KCTD1: variants seen among roughly 807,000 people sequenced by gnomAD.
KCTD1 encodes BTB/POZ domain-containing protein KCTD1.
KCTD1 carries 24 observed loss-of-function variants against 66.0 expected under a neutral mutation model. The observed-to-expected ratio is 0.36, with a 90% CI of 0.26 to 0.51. The LOEUF (loss-of-function observed/expected upper bound fraction) is 0.51, where lower values mean the gene tolerates loss of function less well. Among genes scored for constraint, KCTD1 ranks in the 20% least tolerant of loss-of-function variants. The probability of loss-of-function intolerance (pLI) is 0.95; values close to 1 mark genes in which losing one functional copy is unlikely to be tolerated. For missense variants in KCTD1, 943 were observed against 1,205.2 expected (o/e 0.78, Z 3.22); for synonymous variants, 511 against 517.2 (o/e 0.99, Z 0.16).
Position 26,540,203 on chromosome 18 carries a change from C to T in KCTD1, c.1809+6525G>A, listed in dbSNP as rs139473665. 2.1e-3 allele frequency among the ~76,000 whole-genome samples: 321 copies of T among 152,310 alleles called. 1 individual carries two copies. The highest frequency in any genetic ancestry group is 7.3e-3 in the African/African-American group (304 of 41,572). On this transcript the variant is annotated intron_variant, in intron 1 of 4. Transcript: ENST00000580059. ...TCACAAGCTCCCAAACTAGTCCTGA[C>T]ATTTTAATTTGGCAACTGAATTACT...
intron 1 of KCTD1, among the ~76,000 whole-genome samples, chr18:26,524,317 C>G (rs770915294): frequency 3.3e-5 from 5 of 152,186 alleles, no homozygotes; most frequent in Non-Finnish European, 7.3e-5. Flanking sequence ...CACTATCCAG[C>G]TTTAGTGAGA....
In KCTD1 at chr18:26,546,959, C is replaced by T; in HGVS notation, c.1578G>A (p.Val526=). The T allele has an allele frequency of 2.0e-6, 3 of 1,474,030 alleles. No homozygotes were observed. The highest frequency in any genetic ancestry group is 2.5e-5 in the Admixed American group (1 of 40,508). 91.3% of individuals were successfully genotyped at this position (1,474,030 alleles called of 1,614,324 possible). A position where few individuals can be genotyped will look rare whatever the true frequency, so the allele number is the denominator to read the frequency against. The part of the protein sequence containing the change: ...LPKDSQVGPD[V]KSEAAPKRAL... ...CGCGCTTGGGCGCAGCCTCGGATTT[C>T]ACGTCGGGCCCGACCTGGCTGTCTT... The change falls in exon 1 of 5, where the codon GTG becomes GTA. Residue 526 remains valine (V), a synonymous_variant. Coordinates refer to ENST00000580059, the MANE Select transcript of KCTD1 (RefSeq NM_001142730.3).
chr18:26,613,781 T>C (rs972003814), intron 1 of KCTD1, among the ~76,000 whole-genome samples: 2 of 152,240 alleles, frequency 1.3e-5, no homozygotes, highest in African/African-American at 4.8e-5. Context: ...CAGAATGTGC[T>C]GAAAACATAA....
intron 1 of KCTD1, among the ~76,000 whole-genome samples, chr18:26,618,843 A>G (rs1987313285): frequency 6.6e-6 from 1 of 152,244 alleles, no homozygotes; most frequent in Non-Finnish European, 1.5e-5. Flanking sequence ...AACTATGCGT[A>G]GATGAACTGC....
chr18:26,463,731 T>A (rs1429445690), intron 3 of KCTD1, among the ~76,000 whole-genome samples: 1 of 152,204 alleles, frequency 6.6e-6, no homozygotes, highest in Non-Finnish European at 1.5e-5. Context: ...GAGACGGGGT[T>A]TCGCCATGTT....
chr18:26,463,962 G>GGT (rs1468198235), intron 3 of KCTD1, among the ~76,000 whole-genome samples: 6 of 152,200 alleles, frequency 3.9e-5, no homozygotes, highest in African/African-American at 1.4e-4. Context: ...CAAGAAAACA[G>GGT]ACATGGGTGG....
chr18:26,501,148 C>T lies in KCTD1; in HGVS notation c.1912G>A (p.Ala638Thr). ...PTPAQLTKSN[A>T]PVHIDVGGHM... ...CCGCCCACATCAATGTGGACAGGCG[C>T]ATTGGATTTTGTGAGTTGTGCTGGA... Residue 638 changes from alanine (A) to threonine (T), a missense_variant, in exon 2 of 5, where the codon GCG (alanine) becomes ACG (threonine). Around this residue, in one of 10 missense-constraint regions of KCTD1, gnomAD observed 41 missense variants for 103.8 expected, o/e 0.39. Transcript: ENST00000580059. 6.2e-7 allele frequency: 1 copy of T among 1,614,130 alleles called. No individual in the cohort carries two copies. The highest frequency in any genetic ancestry group is 1.7e-5 in the Admixed American group (1 of 60,016).
intron 1 of KCTD1, among the ~76,000 whole-genome samples, chr18:26,638,717 GC>G (rs925637224): frequency 2.6e-5 from 4 of 152,220 alleles, no homozygotes; most frequent in African/African-American, 9.6e-5. Flanking sequence ...GTCTTCAACA[GC>G]CAGTCCACCT....
chr18:26,558,945 AAAAAAG>A (rs1985777519), intron 1 of KCTD1, among the ~76,000 whole-genome samples: 1 of 151,826 alleles, frequency 6.6e-6, no homozygotes, highest in African/African-American at 2.4e-5. Flanking sequence ...AAAAAGAAAA[AAAAAAG>A]AGAAAAGAAA....
intron 1 of KCTD1, among the ~76,000 whole-genome samples, chr18:26,613,017 G>A (rs543160012): frequency 2.8e-4 from 43 of 152,192 alleles, no homozygotes; most frequent in Non-Finnish European, 3.2e-4. Context: ...ATATTCTGGG[G>A]ACTATGTTTC....
intron 3 of KCTD1, among the ~76,000 whole-genome samples, chr18:26,471,584 G>GGGGT (rs1207420475): frequency 6.6e-6 from 1 of 151,994 alleles, no homozygotes; most frequent in Non-Finnish European, 1.5e-5. Flanking sequence ...GGGAGAGAGA[G>GGGGT]GGGTGGGCAT....
At chr18:26,657,242 T>A (rs899654577) in intron 1 of KCTD1, 19 of 779,042 alleles carry the variant, frequency 2.4e-5, no homozygotes, top group Non-Finnish European at 3.0e-5. Context: ...GCGGCGTGTG[T>A]GCGAGTGTGC....
rs993957733 is a variant in KCTD1, at chr18:26,548,048, G to A, written c.489C>T (p.Pro163=). ...TGTTCTCGCTCAGCCGGGCCCGCTC[G>A]GGGCGCTGCAGCACGTCGGGGTCCA... ...SELDPDVLQR[P]ERARLSENTR... is the part of the protein sequence containing the mutation. The change falls in exon 1 of 5, where the codon CCC becomes CCT. Residue 163 remains proline, a synonymous_variant. Coordinates refer to ENST00000580059, the MANE Select transcript of KCTD1 (RefSeq NM_001142730.3). 4 of 1,506,466 alleles carry A rather than the reference G, an allele frequency of 2.7e-6. No individual in the cohort carries two copies. Among genetic ancestry groups the A allele is most frequent in the Non-Finnish European group, 3.5e-6 (4 of 1,129,476 alleles). 93.3% of individuals were successfully genotyped at this position (1,506,466 alleles called of 1,614,324 possible).
chr18:26,599,473 A>T, intron 1 of KCTD1: 2 of 1,609,510 alleles, frequency 1.2e-6, no homozygotes, highest in Non-Finnish European at 1.7e-6. Flanking sequence ...TCCCCAGTGG[A>T]GGCTCTGAAA....
chr18:26,630,892 T>G (rs1987604760), upstream of KCTD1, among the ~76,000 whole-genome samples: 1 of 152,208 alleles, frequency 6.6e-6, no homozygotes, highest in Admixed American at 6.5e-5. Context: ...AACAACTGGT[T>G]GCTGCTTTGA....
intron 1 of KCTD1, among the ~76,000 whole-genome samples, chr18:26,593,445 AAGGAGGATG>A (rs1286645299): frequency 8.9e-6 from 1 of 112,102 alleles, no homozygotes; most frequent in Non-Finnish European, 1.8e-5. Context: ...GGAGGAAGAC[AAGGAGGATG>A]AGGAGGAAGA....
chr18:26,647,236 C>T (rs768816706), intron 1 of KCTD1, among the ~76,000 whole-genome samples: 19 of 151,800 alleles, frequency 1.3e-4, no homozygotes, highest in African/African-American at 3.9e-4. Context: ...CAGCTAGGCA[C>T]GGTGGCTCAC....
chr18:26,632,290 G>A (rs1296214485), upstream of KCTD1, among the ~76,000 whole-genome samples: 1 of 151,874 alleles, frequency 6.6e-6, no homozygotes, highest in African/African-American at 2.4e-5. Context: ...GGAGGATGAG[G>A]CAGGAGAATT....
intron 1 of KCTD1, among the ~76,000 whole-genome samples, chr18:26,656,236 A>C (rs1020112201): frequency 1.3e-5 from 2 of 151,970 alleles, no homozygotes; most frequent in Non-Finnish European, 2.9e-5. Flanking sequence ...CTTGGCGCTG[A>C]CCGCAGCGCC....
Sources: allele counts gnomAD v4.1 joint callset (sites outside exome capture counted in the v4.1 genomes callset), GRCh38; gene constraint gnomAD v4.1.1; regional missense constraint gnomAD v4.1.1; transcripts MANE v1.5; gene names NCBI Gene and HGNC (gene_info 2026-07-23, HGNC 2026-07-21).